MEX3D: variants seen among roughly 807,000 people sequenced by gnomAD.
MEX3D encodes RNA-binding protein MEX3D.
Under a neutral mutation model 6.3 loss-of-function variants are expected in MEX3D, and 4 were observed. The observed-to-expected ratio is 0.64, with a 90% CI of 0.31 to 1.46. The LOEUF is 1.46. MEX3D is among the 40% of genes most tolerant of loss of function. The pLI, the probability that MEX3D is intolerant of heterozygous loss-of-function variation, is 0.07. For missense variants in MEX3D, 1,038 were observed against 994.4 expected, an observed-to-expected ratio of 1.04 and a Z score of -0.59; for synonymous variants, 626 against 494.1, an observed-to-expected ratio of 1.27 and a Z score of -3.54.
chr19:1,567,704 C>A lies in MEX3D; in HGVS notation c.355G>T (p.Val119Leu). ...AGAPPTLAPA[V>L]APGSLPLLDP... ...AGCAGCGGCAGCGACCCGGGGGCCACGGCGGGGGCCAGGGTCGGGGGCGCG... is the reference window on the plus strand; with the variant it reads ...AGCAGCGGCAGCGACCCGGGGGCCAAGGCGGGGGCCAGGGTCGGGGGCGCG... Residue 119 changes from valine to leucine, a missense_variant, in exon 1 of 2, where the codon GTG (valine) becomes TTG (leucine). Physicochemically the swap from Val to Leu is conservative, Grantham distance 32 (BLOSUM62 1). Around this residue, in one of 5 missense-constraint regions of MEX3D, gnomAD observed 265 missense variants for 206.3 expected, o/e 1.28. Transcript: ENST00000402693. This position sits in a 1 kb window ranked among gnomAD's most constrained non-coding sequence, Gnocchi z 6.5. 8.5e-6 allele frequency: 9 copies of A among 1,056,924 alleles called. 1 individual carries two copies. In the South Asian group the frequency reaches 3.1e-4, roughly 37 times the overall value. The allele number at this position is 1,056,924 out of a possible 1,614,324, so 65.5% of individuals were successfully genotyped here.
chr19:1,562,726 A>C (rs1914750462), intron 1 of MEX3D, among the ~76,000 whole-genome samples: 1 of 151,854 alleles, frequency 6.6e-6, no homozygotes, highest in African/African-American at 2.4e-5. Context: ...CAACAACAAC[A>C]AGAAACCGCT....
chr19:1,564,911 G>A (rs551976501), intron 1 of MEX3D, among the ~76,000 whole-genome samples: 41 of 152,258 alleles, frequency 2.7e-4, no homozygotes, highest in African/African-American at 9.4e-4. Context: ...GAACGGGGTG[G>A]GTGGGAGAAG....
In MEX3D at chr19:1,555,494, G is replaced by C. The variant is rs1022714724; in HGVS notation, c.*69C>G. 7.0e-7 allele frequency: 1 copy of C among 1,424,200 alleles called. No homozygotes were observed. The highest frequency in any genetic ancestry group is 9.3e-7 in the Non-Finnish European group (1 of 1,074,806). 88.2% of individuals were successfully genotyped at this position (1,424,200 alleles called of 1,614,324 possible). On this transcript the variant is annotated 3_prime_UTR_variant, in exon 2 of 2. Transcript: ENST00000402693. ...CCTCCCCGTCCCTCTCCCACCCCGG[G>C]TCCCGCCCCGTCTCCCGCGCCCACC...
rs1226346662 is a variant in MEX3D at position 1,567,996 on chromosome 19, C to A, written c.63G>T (p.Val21=). The part of the protein sequence containing the change: ...GGGGGGGGGG[V]GAAGEDPGPG... ...GTCCGGGGTCCTCCCCCGCCGCCCC[C>A]ACGCCGCCGCCGCCGCCGCCCCCGC... Residue 21 remains valine, a synonymous_variant, in exon 1 of 2, where the codon GTG becomes GTT. Transcript: ENST00000402693. This position sits in a 1 kb window ranked among gnomAD's most constrained non-coding sequence, Gnocchi z 6.5. The A allele has an allele frequency of 2.0e-6, 2 of 977,774 alleles. No homozygotes were observed. Among genetic ancestry groups the A allele is most frequent in the South Asian group, 4.6e-5 (1 of 21,934 alleles). The allele number at this position is 977,774 out of a possible 1,614,324, so 60.6% of individuals were successfully genotyped here.
intron 1 of MEX3D, among the ~76,000 whole-genome samples, chr19:1,561,320 C>T (rs1176901137): frequency 1.3e-5 from 2 of 152,184 alleles, no homozygotes; most frequent in Non-Finnish European, 2.9e-5. Flanking sequence ...CCCAGGGAGC[C>T]GCTGAGGCAA....
chr19:1,563,989 T>G (rs1434359149), intron 1 of MEX3D, among the ~76,000 whole-genome samples: 1 of 151,744 alleles, frequency 6.6e-6, no homozygotes, highest in African/African-American at 2.4e-5. Flanking sequence ...TTTTTTTTTT[T>G]GTAGAGACAG....
intron 1 of MEX3D, among the ~76,000 whole-genome samples, chr19:1,561,141 C>T (rs969954980): frequency 4.6e-5 from 7 of 152,300 alleles, no homozygotes; most frequent in African/African-American, 1.4e-4. Flanking sequence ...CTACCAGGGC[C>T]CCACGCAGCA....
chr19:1,556,113 G>T lies in MEX3D; in HGVS notation c.1406C>A (p.Ala469Glu). Reference protein sequence around the residue: ...FLALDLTVPAAATIWAPFERA... With the variant: ...FLALDLTVPAEATIWAPFERA... The stretch of plus-strand genomic sequence containing the variant: ...CTCAAAAGGCGCCCAGATGGTGGCC[G>T]CGGCGGGCACGGTCAGGTCCAGCGC... Residue 469 changes from alanine to glutamate, a missense_variant, in exon 2 of 2, where the codon GCG (alanine) becomes GAG (glutamate). This residue lies in a region of MEX3D where 581 missense variants were observed against 516.2 expected (regional missense o/e 1.13). Transcript: ENST00000402693. This position sits in a 1 kb window ranked among gnomAD's most constrained non-coding sequence, Gnocchi z 7.5. The T allele has an allele frequency of 6.9e-7, 1 of 1,455,420 alleles. No individual in the cohort carries two copies. Among genetic ancestry groups the T allele is most frequent in the Non-Finnish European group, 9.1e-7 (1 of 1,103,510 alleles). The allele number at this position is 1,455,420 out of a possible 1,614,324, so 90.2% of individuals were successfully genotyped here.
chr19:1,565,192 C>T (rs1452092341), intron 1 of MEX3D, among the ~76,000 whole-genome samples: 1 of 152,052 alleles, frequency 6.6e-6, no homozygotes, highest in Non-Finnish European at 1.5e-5. Context: ...TCAAGACCAG[C>T]CTGAGCAACA....
chr19:1,556,071 G>T lies in MEX3D; in HGVS notation c.1448C>A (p.Pro483His). The T allele has an allele frequency of 2.1e-6, 3 of 1,406,492 alleles. No individual in the cohort carries two copies. Among genetic ancestry groups the T allele is most frequent in the South Asian group, 1.3e-5 (1 of 75,502 alleles). 87.1% of individuals were successfully genotyped at this position (1,406,492 alleles called of 1,614,324 possible). A position where few individuals can be genotyped will look rare whatever the true frequency, so the allele number is the denominator to read the frequency against. The change falls in exon 2 of 2, where the codon CCC becomes CAC. Residue 483 changes from proline (P) to histidine (H), a missense_variant. Physicochemically the swap from Pro to His is moderately conservative, Grantham distance 77 (BLOSUM62 -2). Coordinates refer to ENST00000402693, the MANE Select transcript of MEX3D (RefSeq NM_203304.4). The surrounding 1 kb of genome is among the most constrained non-coding windows in gnomAD (Gnocchi z 7.5). ...WAPFERAAPL[P>H]AFSGCSTVNG... ...GACCGTGGAGCAGCCGCTGAAGGCGGGCAAGGGGGCGGCGCGCTCAAAAGG... is the reference window on the plus strand; with the variant it reads ...GACCGTGGAGCAGCCGCTGAAGGCGTGCAAGGGGGCGGCGCGCTCAAAAGG...
chr19:1,564,482 G>A (rs1394107719), intron 1 of MEX3D, among the ~76,000 whole-genome samples: 7 of 151,258 alleles, frequency 4.6e-5, no homozygotes, highest in South Asian at 2.1e-4. Flanking sequence ...GCAGTGAACC[G>A]GGATCGTGCC....
chr19:1,558,538 A>G (rs1332089304), intron 1 of MEX3D, among the ~76,000 whole-genome samples: 1 of 152,096 alleles, frequency 6.6e-6, no homozygotes, highest in African/African-American at 2.4e-5. Flanking sequence ...TTTATCTTAC[A>G]GAAATGAGAG....
At chr19:1,557,947 G>A (rs1914618699) in intron 1 of MEX3D, among the ~76,000 whole-genome samples, 1 of 148,238 alleles carries the variant, frequency 6.7e-6, no homozygotes, top group Non-Finnish European at 1.5e-5. Flanking sequence ...CAGCCACTGG[G>A]GAGGGCTGAG....
Position 1,567,580 on chromosome 19 carries a change from G to C in MEX3D, c.479C>G (p.Pro160Arg). Reference sequence around the variant, plus strand: ...GCTCATCTGGTCGGCCAGCAGCGTCGGGGGCCCCAGGGCCGCGGGGTGGGG... The same window carrying C: ...GCTCATCTGGTCGGCCAGCAGCGTCCGGGGCCCCAGGGCCGCGGGGTGGGG... ...FAPHPAALGPPTLLADQMSVI... is the reference protein window; with the variant it reads ...FAPHPAALGPRTLLADQMSVI... Residue 160 changes from proline to arginine, a missense_variant, in exon 1 of 2, where the codon CCG becomes CGG. By Grantham distance (103) the Pro-to-Arg change is moderately radical. Around this residue, in one of 5 missense-constraint regions of MEX3D, gnomAD observed 265 missense variants for 206.3 expected, o/e 1.28. Transcript: ENST00000402693. This position sits in a 1 kb window ranked among gnomAD's most constrained non-coding sequence, Gnocchi z 6.5. The C allele has an allele frequency of 1.3e-6, 2 of 1,489,494 alleles. No homozygotes were observed. The highest frequency in any genetic ancestry group is 1.8e-6 in the Non-Finnish European group (2 of 1,119,808). 92.3% of individuals were successfully genotyped at this position (1,489,494 alleles called of 1,614,324 possible).
At chr19:1,561,216 C>T (rs770934682) in intron 1 of MEX3D, among the ~76,000 whole-genome samples, 8 of 152,220 alleles carry the variant, frequency 5.3e-5, no homozygotes, top group Non-Finnish European at 7.3e-5. Flanking sequence ...CCGTGCACTA[C>T]GACTTACCAA....
intron 1 of MEX3D, among the ~76,000 whole-genome samples, chr19:1,558,016 A>ACTCCAGCC (rs2145570449): frequency 7.1e-6 from 1 of 140,736 alleles, no homozygotes; most frequent in East Asian, 2.1e-4. Context: ...ATGCCACTGC[A>ACTCCAGCC]CTCCAGCCTA....
chr19:1,557,448 C>G, intron 1 of MEX3D, among the ~76,000 whole-genome samples: 1 of 150,960 alleles, frequency 6.6e-6, no homozygotes. Context: ...CACCTGTAGT[C>G]CCAGGTACTT....
chr19:1,568,194 G>A lies in MEX3D; in HGVS notation c.-136C>T. 1.7e-6 allele frequency: 1 copy of A among 603,038 alleles called. No homozygotes were observed. The highest frequency in any genetic ancestry group is 2.1e-6 in the Non-Finnish European group (1 of 487,122). 37.4% of individuals were successfully genotyped at this position (603,038 alleles called of 1,614,324 possible). A position where few individuals can be genotyped will look rare whatever the true frequency, so the allele number is the denominator to read the frequency against. ...GGGGCGGGCACGGGGGGCCGGGCGG[G>A]CGGGGCGGCGGCGGCGCGGGGCTGC... On this transcript the variant is annotated 5_prime_UTR_variant, in exon 1 of 2. Coordinates refer to ENST00000402693, the MANE Select transcript of MEX3D (RefSeq NM_203304.4).
chr19:1,566,779 G>A (rs972057949), intron 1 of MEX3D, among the ~76,000 whole-genome samples: 2 of 152,082 alleles, frequency 1.3e-5, no homozygotes, highest in Admixed American at 6.5e-5. Context: ...ACAATGGGGC[G>A]GCCAGAGGGA....
Sources: gnomAD v4.1 joint callset for allele counts (sites outside exome capture counted in the v4.1 genomes callset) on GRCh38, gnomAD v4.1.1 for gene constraint, gnomAD v4.1.1 regional missense constraint, Gnocchi (gnomAD v3.1) non-coding constraint, MANE v1.5 for transcripts, NCBI Gene and HGNC (gene_info 2026-07-23, HGNC 2026-07-21) for gene names.